EIPR1: variants seen among roughly 807,000 people sequenced by gnomAD.
EIPR1 encodes EARP and GARP complex-interacting protein 1.
Under a neutral mutation model 48.1 loss-of-function variants are expected in EIPR1, and 25 were observed. The observed-to-expected ratio is 0.52, with a 90% CI of 0.38 to 0.73. The LOEUF is 0.73. EIPR1 is among the 30% of genes least tolerant of loss of function. EIPR1 has a pLI of 0.00. For synonymous variants in EIPR1, 204 were observed against 201.9 expected (o/e 1.01, Z -0.09); for missense variants, 415 against 506.2 (o/e 0.82, Z 1.73).
At position 3,231,834 on chromosome 2, in the gene EIPR1, T is replaced by G. The variant is rs574661165; in HGVS notation, c.417-17586A>C. On this transcript the variant is annotated intron_variant, in intron 4 of 8. Transcript: ENST00000382125. Reference sequence around the variant, plus strand: ...TCTTTGTCAGGCTTTAACATCAGACTAATGCTGGTCTCATAAAATAAGTTT... The same window carrying G: ...TCTTTGTCAGGCTTTAACATCAGACGAATGCTGGTCTCATAAAATAAGTTT... 2.0e-4 allele frequency among the ~76,000 whole-genome samples: 30 copies of G among 152,374 alleles called. No individual in the cohort carries two copies. The South Asian group carries it at 2.7e-3, about 14-fold the overall frequency.
rs111909759 is a variant in EIPR1, at chr2:3,314,911, G to T, written c.259+23106C>A. Among the ~76,000 whole-genome samples, 1,092 of 151,928 alleles carry T rather than the reference G, an allele frequency of 7.2e-3. 13 individuals are homozygous for T. Among genetic ancestry groups the T allele is most frequent in the African/African-American group, 0.025 (1,051 of 41,350 alleles). ...CTCACTCTCAGGACCAGCAACAAGA[G>T]TGCTGGTCACCCTGAGGCCTCCCTG... On this transcript the variant is annotated intron_variant, in intron 3 of 8. Coordinates refer to ENST00000382125, the MANE Select transcript of EIPR1 (RefSeq NM_003310.5).
Position 3,220,020 on chromosome 2 carries a change from G to A in EIPR1, c.417-5772C>T, listed in dbSNP as rs116733247. Among the ~76,000 whole-genome samples, 11 of 152,270 alleles carry A rather than the reference G, an allele frequency of 7.2e-5. No individual in the cohort carries two copies. The South Asian group carries it at 1.5e-3, about 20-fold the overall frequency. On this transcript the variant is annotated intron_variant, in intron 4 of 8. Transcript: ENST00000382125. ...GGAGGCATTAGATTCTCATAGGAGCGGGAACCCTGTTGTGAACTGTGCATG... is the reference window on the plus strand; with the variant it reads ...GGAGGCATTAGATTCTCATAGGAGCAGGAACCCTGTTGTGAACTGTGCATG...
At chr2:3,369,989 C>T (rs964790466) in intron 1 of EIPR1, among the ~76,000 whole-genome samples, 6 of 152,254 alleles carry the variant, frequency 3.9e-5, no homozygotes, top group African/African-American at 1.4e-4. Flanking sequence ...GGCACCCCCC[C>T]CGTAGGGGCA....
intron 3 of EIPR1, among the ~76,000 whole-genome samples, chr2:3,311,360 TC>T (rs1245285118): frequency 9.2e-5 from 14 of 152,182 alleles, no homozygotes; most frequent in African/African-American, 2.9e-4. Context: ...AGAAATGATT[TC>T]TTTTCACATT....
rs752727520 is a variant in EIPR1, at chr2:3,365,903, GAT to G, written c.43-11272_43-11271del. ...TTCTACACAGACACGGCAACCATCCGATTTCTCAGGTGGGGGAGTCAGCCCCC... is the reference window on the plus strand; with the variant it reads ...TTCTACACAGACACGGCAACCATCCGTTCTCAGGTGGGGGAGTCAGCCCCC... On this transcript the variant is annotated intron_variant, in intron 1 of 8. Coordinates refer to ENST00000382125, the MANE Select transcript of EIPR1 (RefSeq NM_003310.5). 2.6e-5 allele frequency among the ~76,000 whole-genome samples: 4 copies of G among 152,184 alleles called. No homozygotes were observed. The East Asian group carries it at 7.7e-4, about 29-fold the overall frequency.
intron 4 of EIPR1, among the ~76,000 whole-genome samples, chr2:3,256,846 G>A (rs2103218899): frequency 6.6e-6 from 1 of 152,358 alleles, no homozygotes; most frequent in East Asian, 1.9e-4. Context: ...CCACATGCCG[G>A]ACACGGGCGG....
At chr2:3,284,265 G>A (rs1158070894) in intron 3 of EIPR1, among the ~76,000 whole-genome samples, 10 of 116,472 alleles carry the variant, frequency 8.6e-5, no homozygotes, top group African/African-American at 3.1e-4. Flanking sequence ...CACGTAAGCT[G>A]GGCACATGGA....
At chr2:3,337,921 C>G in intron 3 of EIPR1, 96 bp downstream of exon 3, 2 of 1,338,240 alleles carry the variant, frequency 1.5e-6, no homozygotes, top group Non-Finnish European at 2.0e-6. Flanking sequence ...TAAATCTTTT[C>G]AGTCATGTGT....
chr2:3,313,003 T>C (rs1191706404), intron 3 of EIPR1, among the ~76,000 whole-genome samples: 1 of 152,238 alleles, frequency 6.6e-6, no homozygotes, highest in African/African-American at 2.4e-5. Context: ...CTACTTCCGA[T>C]GCACACTTCG....
intron 3 of EIPR1, among the ~76,000 whole-genome samples, chr2:3,264,251 G>A (rs1316903160): frequency 2.0e-5 from 3 of 152,324 alleles, no homozygotes; most frequent in Non-Finnish European, 1.5e-5. Context: ...CTGACTCTCT[G>A]TGCTGGGTTT....
In EIPR1 at chr2:3,196,706, G is replaced by C. The variant is rs535169340; in HGVS notation, c.653+175C>G. 7.2e-5 allele frequency among the ~76,000 whole-genome samples: 11 copies of C among 152,366 alleles called. No homozygotes were observed. In the South Asian group the frequency reaches 2.3e-3, roughly 32 times the overall value. ...CGGTTCCATTGCAGTGGATGTGCTA[G>C]CTTAATTTGGGGTGAAGAAACAAGA... is the stretch of plus-strand genomic sequence containing the variant. On this transcript the variant is annotated intron_variant, in intron 6 of 8. Coordinates refer to ENST00000382125, the MANE Select transcript of EIPR1 (RefSeq NM_003310.5).
At chr2:3,193,933 G>C in intron 7 of EIPR1, 66 bp downstream of exon 7, 1 of 1,566,018 alleles carries the variant, frequency 6.4e-7, no homozygotes, top group Non-Finnish European at 8.7e-7. Context: ...TTTCCCAATG[G>C]TAAAGTAATT....
chr2:3,269,255 C>G (rs571106585), intron 3 of EIPR1, among the ~76,000 whole-genome samples: 73 of 97,786 alleles, frequency 7.5e-4, no homozygotes, highest in Middle Eastern at 5.8e-3. Flanking sequence ...ACTCAGTCAT[C>G]GCACTCAGTC....
intron 2 of EIPR1, among the ~76,000 whole-genome samples, chr2:3,350,016 T>C (rs10201021): frequency 0.99 from 149,891 of 151,562 alleles, 74,127 homozygotes; most frequent in East Asian, 1. Context: ...CGCTTGGGAG[T>C]CTGAGGCAGG....
At chr2:3,194,213 G>A in intron 6 of EIPR1, 47 bp from the exon 7 acceptor site, 1 of 1,604,166 alleles carries the variant, frequency 6.2e-7, no homozygotes, top group Non-Finnish European at 8.5e-7. Flanking sequence ...AATGGATTAG[G>A]AAAAGCCACT....
At chr2:3,326,424 G>A (rs1400393238) in intron 3 of EIPR1, among the ~76,000 whole-genome samples, 2 of 152,104 alleles carry the variant, frequency 1.3e-5, no homozygotes, top group African/African-American at 2.4e-5. Flanking sequence ...CTGCAAGACC[G>A]CTGCCTCCCC....
chr2:3,262,820 C>A (rs1472255145), intron 3 of EIPR1, among the ~76,000 whole-genome samples: 1 of 152,214 alleles, frequency 6.6e-6, no homozygotes. Context: ...CCAAGTGCCA[C>A]GTGTCACTCA....
intron 3 of EIPR1, among the ~76,000 whole-genome samples, chr2:3,318,513 G>A (rs7601196): frequency 0.27 from 41,339 of 152,058 alleles, 7,521 homozygotes; most frequent in East Asian, 0.65. Context: ...TGATACAAAC[G>A]GGATCTGAAG....
chr2:3,344,394 C>T (rs1290578111), intron 2 of EIPR1, among the ~76,000 whole-genome samples: 1 of 152,212 alleles, frequency 6.6e-6, no homozygotes, highest in African/African-American at 2.4e-5. Flanking sequence ...ACTCTGAAAA[C>T]ACAGTTTCTA....
Sources: gnomAD v4.1 joint callset for allele counts (sites outside exome capture counted in the v4.1 genomes callset) on GRCh38, gnomAD v4.1.1 for gene constraint, MANE v1.5 for transcripts, NCBI Gene and HGNC (gene_info 2026-07-23, HGNC 2026-07-21) for gene names.